The following CACNA1E variants were observed in gnomAD, a reference collection of about 807,000 sequenced individuals.
CACNA1E encodes the protein calcium voltage-gated channel subunit alpha1 E.
In CACNA1E, 40 loss-of-function variants were observed where a neutral mutation model predicts 259.2. The observed-to-expected ratio is 0.15, with a 90% CI of 0.12 to 0.20. The LOEUF (loss-of-function observed/expected upper bound fraction) is 0.20, where lower values mean the gene tolerates loss of function less well. Among genes scored for constraint, CACNA1E ranks in the 10% least tolerant of loss-of-function variants. CACNA1E has a pLI of 1.00. For synonymous variants in CACNA1E, 1,104 were observed against 1,138.5 expected (o/e 0.97, Z 0.61); for missense variants, 1,874 against 3,040.1 (o/e 0.62, Z 9.02).
Position 181,798,791 on chromosome 1 carries a change from T to A in CACNA1E, c.6899T>A (p.Val2300Asp). The A allele has an allele frequency of 6.4e-7, 1 of 1,554,266 alleles. No individual in the cohort carries two copies. Residue 2300 changes from valine (V) to aspartate (D), a missense_variant, in exon 48 of 48, where the codon GTC becomes GAC. Physicochemically the swap from Val to Asp is radical, Grantham distance 152 (BLOSUM62 -3). Transcript: ENST00000367573. The surrounding 1 kb of genome is among the most constrained non-coding windows in gnomAD (Gnocchi z 4.2). ...GPGPGMMCGAVNNLLSDTEED... is the reference protein window; with the variant it reads ...GPGPGMMCGADNNLLSDTEED... The stretch of plus-strand genomic sequence containing the variant: ...GGGCCAGGCATGATGTGTGGGGCTG[T>A]CAACAACCTGCTAAGTGACACGGAA...
In CACNA1E at chr1:181,802,929, T is replaced by C. The variant is rs1264730012; in HGVS notation, c.*4095T>C. On this transcript the variant is annotated 3_prime_UTR_variant, in exon 48 of 48. Transcript: ENST00000367573. ...TCGGCTCATTTATAAGATATAAATA[T>C]TATGAGGTTGTATGTAAAGAAAGGG... The C allele has an allele frequency of 6.6e-6, 1 of 152,142 alleles. No individual in the cohort carries two copies. Among genetic ancestry groups the C allele is most frequent in the Admixed American group, 6.5e-5 (1 of 15,280 alleles). 9.4% of individuals were successfully genotyped at this position (152,142 alleles called of 1,614,324 possible).
intron 25 of CACNA1E, among the ~76,000 whole-genome samples, chr1:181,746,300 T>C (rs1346448137): frequency 6.6e-6 from 1 of 152,232 alleles, no homozygotes; most frequent in Non-Finnish European, 1.5e-5. Context: ...TCTTTAGAAT[T>C]TTTAAAGTGC....
intron 39 of CACNA1E, among the ~76,000 whole-genome samples, chr1:181,783,056 A>G (rs1660558984): frequency 6.6e-6 from 1 of 152,116 alleles, no homozygotes; most frequent in Non-Finnish European, 1.5e-5. Flanking sequence ...CTCCTACCCC[A>G]GAGCCTGTTT....
chr1:181,733,619 G>C lies in CACNA1E; in HGVS notation c.3131G>C (p.Arg1044Pro). 1 of 1,612,780 alleles carries C rather than the reference G, an allele frequency of 6.2e-7. No homozygotes were observed. The highest frequency in any genetic ancestry group is 8.5e-7 in the Non-Finnish European group (1 of 1,179,468). ...LLGNVQLDMG[R>P]VISQSEPDLS... is the part of the protein sequence containing the mutation. ...GGGAATGTGCAGCTAGACATGGGCCGGGTCATCAGCCAGAGCGAGCCTGAC... is the reference window on the plus strand; with the variant it reads ...GGGAATGTGCAGCTAGACATGGGCCCGGTCATCAGCCAGAGCGAGCCTGAC... The change falls in exon 21 of 48, where the codon CGG becomes CCG. Residue 1044 changes from arginine (R) to proline (P), a missense_variant. Coordinates refer to ENST00000367573, the MANE Select transcript of CACNA1E (RefSeq NM_001205293.3).
At chr1:181,352,287 C>T (rs1374828072) in intron 1 of CACNA1E, among the ~76,000 whole-genome samples, 2 of 151,956 alleles carry the variant, frequency 1.3e-5, no homozygotes, top group Non-Finnish European at 2.9e-5. Context: ...GGGCGGAGAG[C>T]AGTGGGAAAT....
chr1:181,728,495 C>T (rs1457289285), intron 18 of CACNA1E, among the ~76,000 whole-genome samples: 1 of 152,036 alleles, frequency 6.6e-6, no homozygotes, highest in Non-Finnish European at 1.5e-5. Flanking sequence ...GAGCCACCTC[C>T]GGGTGTGTGT....
chr1:181,330,687 C>T (rs565553268), intron 1 of CACNA1E, among the ~76,000 whole-genome samples: 1 of 152,170 alleles, frequency 6.6e-6, no homozygotes, highest in Non-Finnish European at 1.5e-5. Flanking sequence ...AACGTAGTGT[C>T]AGAAAAGCAA....
intron 25 of CACNA1E, among the ~76,000 whole-genome samples, chr1:181,746,920 A>G (rs959105791): frequency 2.0e-5 from 3 of 152,232 alleles, no homozygotes; most frequent in Admixed American, 6.5e-5. Flanking sequence ...CTGCTTCTTC[A>G]TCTGTAAATG....
At position 181,756,918 on chromosome 1, in the gene CACNA1E, C is replaced by T; in HGVS notation, c.4128-7C>T. 4 of 1,600,740 alleles carry T rather than the reference C, an allele frequency of 2.5e-6. No homozygotes were observed. Among genetic ancestry groups the T allele is most frequent in the African/African-American group, 1.3e-5 (1 of 74,752 alleles). On this transcript the variant is annotated splice_polypyrimidine_tract_variant and splice_region_variant and intron_variant, in intron 29 of 47. Coordinates refer to ENST00000367573, the MANE Select transcript of CACNA1E (RefSeq NM_001205293.3). ...ACCATCTGTGCCCTCTTGTTCTGTC[C>T]CCATAGAGTTCTGCAGCACTCTGTA...
intron 6 of CACNA1E, among the ~76,000 whole-genome samples, chr1:181,586,809 G>T (rs1307744910): frequency 6.6e-6 from 1 of 152,206 alleles, no homozygotes; most frequent in African/African-American, 2.4e-5. Flanking sequence ...GGTCAAGGAA[G>T]GTGAGGGCTA....
intron 2 of CACNA1E, among the ~76,000 whole-genome samples, chr1:181,439,028 T>C (rs945212006): frequency 6.6e-6 from 1 of 152,190 alleles, no homozygotes; most frequent in African/African-American, 2.4e-5. Context: ...CACAACAGTG[T>C]TGAGTAAAAA....
chr1:181,512,191 A>G (rs1216874848), intron 3 of CACNA1E, among the ~76,000 whole-genome samples: 24 of 152,266 alleles, frequency 1.6e-4, no homozygotes, highest in Non-Finnish European at 3.2e-4. Context: ...AGTATGAGGA[A>G]GCTGGGTTGA....
At position 181,803,908 on chromosome 1, in the gene CACNA1E, C is replaced by T. The variant is rs532360456; in HGVS notation, c.*5074C>T. The T allele has an allele frequency of 2.6e-5, 4 of 152,284 alleles. No homozygotes were observed. The highest frequency in any genetic ancestry group is 9.6e-5 in the African/African-American group (4 of 41,564). The allele number at this position is 152,284 out of a possible 1,614,324, so 9.4% of individuals were successfully genotyped here. On this transcript the variant is annotated 3_prime_UTR_variant, in exon 48 of 48. Transcript: ENST00000367573. ...GTTCACAGCAAAGTCCAATTGATGGCTTTTGAGGCTGGGACACCCCCAAAC... is the reference window on the plus strand; with the variant it reads ...GTTCACAGCAAAGTCCAATTGATGGTTTTTGAGGCTGGGACACCCCCAAAC...
chr1:181,506,103 G>A (rs1665685359), intron 1 of CACNA1E, among the ~76,000 whole-genome samples: 1 of 152,228 alleles, frequency 6.6e-6, no homozygotes, highest in South Asian at 2.1e-4. Flanking sequence ...CTAGAACAGA[G>A]AGTCAGAGTC....
At chr1:181,796,629 G>A in intron 46 of CACNA1E, 39 bp from the exon 47 acceptor site, 1 of 1,466,670 alleles carries the variant, frequency 6.8e-7, no homozygotes, top group East Asian at 2.4e-5. Context: ...GGTCAGAGTG[G>A]ACAGAGTTAT....
intron 1 of CACNA1E, among the ~76,000 whole-genome samples, chr1:181,500,517 C>T (rs1158426652): frequency 6.6e-6 from 1 of 152,188 alleles, no homozygotes; most frequent in Non-Finnish European, 1.5e-5. Flanking sequence ...TAGTTTTCTA[C>T]TTAACAAAAT....
chr1:181,630,382 A>G (rs1356839729), intron 6 of CACNA1E, among the ~76,000 whole-genome samples: 3 of 147,656 alleles, frequency 2.0e-5, no homozygotes, highest in Non-Finnish European at 4.5e-5. Context: ...TGTAATTAAC[A>G]TGCCCCCCCA....
At chr1:181,735,151 C>T (rs1325996463) in intron 21 of CACNA1E, among the ~76,000 whole-genome samples, 1 of 152,228 alleles carries the variant, frequency 6.6e-6, no homozygotes, top group Non-Finnish European at 1.5e-5. Flanking sequence ...GTGCAATCTC[C>T]CATGTCCAGT....
intron 1 of CACNA1E, among the ~76,000 whole-genome samples, chr1:181,400,655 A>C (rs527532712): frequency 1.3e-5 from 2 of 152,268 alleles, no homozygotes; most frequent in Non-Finnish European, 2.9e-5. Flanking sequence ...TGAAGACAGG[A>C]AATCTTCAGA....
Sources: allele counts gnomAD v4.1 joint callset (sites outside exome capture counted in the v4.1 genomes callset), GRCh38; gene constraint gnomAD v4.1.1; non-coding constraint Gnocchi (gnomAD v3.1); transcripts MANE v1.5; gene names NCBI Gene and HGNC (gene_info 2026-07-23, HGNC 2026-07-21).